The following DAAM1 variants were observed in gnomAD, a reference collection of about 807,000 sequenced individuals.
DAAM1 encodes disheveled-associated activator of morphogenesis 1.
In DAAM1, 52 loss-of-function variants were observed where a neutral mutation model predicts 130.0. The observed-to-expected ratio is 0.40, with a 90% CI of 0.32 to 0.50. The LOEUF is 0.50. Ranked by LOEUF, DAAM1 falls within the 20% of genes least tolerant of loss-of-function variation. The pLI is 0.61. For missense variants in DAAM1, 1,134 were observed against 1,303.8 expected, an observed-to-expected ratio of 0.87 and a Z score of 2.01; for synonymous variants, 452 against 444.5, an observed-to-expected ratio of 1.02 and a Z score of -0.21.
chr14:59,261,835 A>C (rs931286764), intron 1 of DAAM1, among the ~76,000 whole-genome samples: 1 of 152,226 alleles, frequency 6.6e-6, no homozygotes, highest in African/African-American at 2.4e-5. Flanking sequence ...TTTAAAACTT[A>C]AGAACAAAAA....
intron 17 of DAAM1, among the ~76,000 whole-genome samples, chr14:59,349,689 A>G (rs542127943): frequency 7.2e-5 from 11 of 152,186 alleles, no homozygotes; most frequent in Admixed American, 2.6e-4. Flanking sequence ...AGAGAGAGCT[A>G]TACGCTCTTC....
Position 59,371,158 on chromosome 14 carries a change from TTC to T in DAAM1, c.*2305_*2306del, listed in dbSNP as rs1307377617. The T allele has an allele frequency of 7.9e-5, 12 of 152,118 alleles. No individual in the cohort carries two copies. The highest frequency in any genetic ancestry group is 1.2e-4 in the Non-Finnish European group (8 of 68,004). The allele number at this position is 152,118 out of a possible 1,614,324, so 9.4% of individuals were successfully genotyped here. A position where few individuals can be genotyped will look rare whatever the true frequency, so the allele number is the denominator to read the frequency against. Reference sequence around the variant, plus strand: ...TTGGTGCTGGTGTAAGTAGCCACTTTTCTCTCTTGGGTGTGTATTTTAAACTT... The same window carrying T: ...TTGGTGCTGGTGTAAGTAGCCACTTTTCTCTTGGGTGTGTATTTTAAACTT... On this transcript the variant is annotated 3_prime_UTR_variant, in exon 25 of 25. Transcript: ENST00000360909.
intron 1 of DAAM1, among the ~76,000 whole-genome samples, chr14:59,251,431 C>T (rs912931987): frequency 1.4e-5 from 2 of 145,004 alleles, no homozygotes; most frequent in African/African-American, 2.4e-5. Context: ...TTTCACTCCG[C>T]CGTGTTTTTT....
chr14:59,233,235 A>T (rs916463602), intron 1 of DAAM1, among the ~76,000 whole-genome samples: 1 of 152,168 alleles, frequency 6.6e-6, no homozygotes, highest in African/African-American at 2.4e-5. Context: ...CAATGGTTGA[A>T]CTAATTTATA....
rs114751257 is a variant in DAAM1 at position 59,232,981 on chromosome 14, C to T, written c.-37-30460C>T. Among the ~76,000 whole-genome samples the T allele has an allele frequency of 3.9e-3, 598 of 151,620 alleles. 3 individuals carry two copies. The highest frequency in any genetic ancestry group is 0.013 in the African/African-American group (541 of 41,470). ...TGCAAAGGACATGAGCTCATTCTTA[C>T]GGCTGCATAGTATTCCATGGTGTGT... On this transcript the variant is annotated intron_variant, in intron 1 of 24. Transcript: ENST00000360909.
At chr14:59,224,291 A>G (rs1011757968) in intron 1 of DAAM1, among the ~76,000 whole-genome samples, 3 of 152,240 alleles carry the variant, frequency 2.0e-5, no homozygotes, top group African/African-American at 7.2e-5. Context: ...TCCTTTTCCA[A>G]GATCCATTTG....
intron 2 of DAAM1, among the ~76,000 whole-genome samples, chr14:59,274,891 G>T (rs978891516): frequency 3.3e-5 from 5 of 152,212 alleles, no homozygotes; most frequent in Non-Finnish European, 7.3e-5. Flanking sequence ...AAGGATAAGG[G>T]TGACAATGTT....
chr14:59,296,140 T>G (rs1326983837), intron 3 of DAAM1, among the ~76,000 whole-genome samples: 1 of 152,206 alleles, frequency 6.6e-6, no homozygotes, highest in Non-Finnish European at 1.5e-5. Flanking sequence ...GAAAGAAATT[T>G]GTCTGCCTTT....
chr14:59,265,929 G>GT, intron 2 of DAAM1: 1 of 152,354 alleles, frequency 6.6e-6, no homozygotes, highest in African/African-American at 2.4e-5. Context: ...CCACACCTGA[G>GT]TTTGCATATA....
At chr14:59,238,699 G>C (rs1370996784) in intron 1 of DAAM1, among the ~76,000 whole-genome samples, 1 of 152,126 alleles carries the variant, frequency 6.6e-6, no homozygotes, top group African/African-American at 2.4e-5. Flanking sequence ...CTGTTCAGAT[G>C]AACAGAGTGA....
chr14:59,210,537 A>C (rs765383335), intron 1 of DAAM1, among the ~76,000 whole-genome samples: 12 of 152,228 alleles, frequency 7.9e-5, no homozygotes, highest in Non-Finnish European at 1.6e-4. Flanking sequence ...CGATATCTCC[A>C]GGTACATTTT....
intron 1 of DAAM1, among the ~76,000 whole-genome samples, chr14:59,234,295 C>G (rs1257783192): frequency 6.6e-6 from 1 of 152,034 alleles, no homozygotes; most frequent in East Asian, 1.9e-4. Flanking sequence ...TGTGTCCTCT[C>G]ATTTCCTTGA....
chr14:59,359,539 C>A, intron 21 of DAAM1, 35 bp downstream of exon 21: 2 of 1,536,304 alleles, frequency 1.3e-6, no homozygotes, highest in South Asian at 2.3e-5. Flanking sequence ...TTTCTTAAAT[C>A]ACTTGGATTG....
chr14:59,227,777 A>T (rs1353951332), intron 1 of DAAM1, among the ~76,000 whole-genome samples: 3 of 152,190 alleles, frequency 2.0e-5, no homozygotes, highest in Non-Finnish European at 2.9e-5. Flanking sequence ...AGTGCTGGGC[A>T]CACAGAGGAC....
chr14:59,290,904 A>G (rs1247866116), intron 2 of DAAM1, among the ~76,000 whole-genome samples: 1 of 152,196 alleles, frequency 6.6e-6, no homozygotes, highest in Non-Finnish European at 1.5e-5. Flanking sequence ...TTGCTGCTCA[A>G]TGGACCATAC....
chr14:59,220,051 T>C (rs1040555896), intron 1 of DAAM1, among the ~76,000 whole-genome samples: 6 of 152,210 alleles, frequency 3.9e-5, no homozygotes, highest in Non-Finnish European at 8.8e-5. Flanking sequence ...ATCCATTGCC[T>C]GTCACTGAAC....
chr14:59,326,663 A>T lies in DAAM1; in HGVS notation c.1313+15A>T. On this transcript the variant is annotated intron_variant, in intron 11 of 24. Coordinates refer to ENST00000360909, the MANE Select transcript of DAAM1 (RefSeq NM_001270520.2). The stretch of plus-strand genomic sequence containing the variant: ...GTCGTACGAATGTAAGTCTCTTCTT[A>T]TTCTGCTGCTGTGAGATAATGGTGA... The T allele has an allele frequency of 4.3e-6, 7 of 1,609,628 alleles. No individual in the cohort carries two copies. Among genetic ancestry groups the T allele is most frequent in the Non-Finnish European group, 5.9e-6 (7 of 1,178,464 alleles).
chr14:59,271,767 C>T (rs907377118), intron 2 of DAAM1, among the ~76,000 whole-genome samples: 2 of 152,104 alleles, frequency 1.3e-5, no homozygotes, highest in African/African-American at 4.8e-5. Context: ...TTTAAGCTGC[C>T]TTTAATAATA....
rs1432621476 is a variant in DAAM1, at chr14:59,363,743, C to T, written c.2787C>T (p.Phe929=). ...TCATCACAGTAGCCAGCTTCAGCTT[C>T]TCTGATGTTGAAGACCTTCTAGCAG... is the stretch of plus-strand genomic sequence containing the variant. ...SQFITVASFS[F]SDVEDLLAEA... Residue 929 remains phenylalanine, a synonymous_variant, in exon 23 of 25, where the codon TTC becomes TTT. Coordinates refer to ENST00000360909, the MANE Select transcript of DAAM1 (RefSeq NM_001270520.2). 6.2e-7 allele frequency: 1 copy of T among 1,614,080 alleles called. No homozygotes were observed. Among genetic ancestry groups the T allele is most frequent in the African/African-American group, 1.3e-5 (1 of 75,038 alleles).
Sources: gnomAD v4.1 joint callset for allele counts (sites outside exome capture counted in the v4.1 genomes callset) on GRCh38, gnomAD v4.1.1 for gene constraint, MANE v1.5 for transcripts, NCBI Gene and HGNC (gene_info 2026-07-23, HGNC 2026-07-21) for gene names.